DNER: variants seen among roughly 807,000 people sequenced by gnomAD.
DNER encodes delta/notch like EGF repeat containing.
A neutral mutation model predicts 78.2 loss-of-function variants in DNER; 33 were observed. That is an observed-to-expected ratio of 0.42 (90% CI 0.32 to 0.56). The LOEUF is 0.56. Among genes scored for constraint, DNER ranks in the 20% least tolerant of loss-of-function variants. DNER has a pLI of 0.11. For synonymous variants in DNER, 417 were observed against 384.8 expected, an observed-to-expected ratio of 1.08 and a Z score of -0.98; for missense variants, 918 against 975.3, an observed-to-expected ratio of 0.94 and a Z score of 0.78.
rs200458484 is a variant in DNER, at chr2:229,512,747, T to C, written c.1147+36A>G. On this transcript the variant is annotated intron_variant, in intron 6 of 12. Coordinates refer to ENST00000341772, the MANE Select transcript of DNER (RefSeq NM_139072.4). Reference sequence around the variant, plus strand: ...ACAAGAGGTGCATGCTGTACAGACATACACCTAATAACTGAACCATGAGTA... The same window carrying C: ...ACAAGAGGTGCATGCTGTACAGACACACACCTAATAACTGAACCATGAGTA... The C allele has an allele frequency of 2.5e-6, 4 of 1,612,630 alleles. No homozygotes were observed. The South Asian group carries it at 3.3e-5, about 13-fold the overall frequency.
At chr2:229,392,844 T>TA (rs1693045960) in intron 10 of DNER, among the ~76,000 whole-genome samples, 1 of 152,072 alleles carries the variant, frequency 6.6e-6, no homozygotes, top group Non-Finnish European at 1.5e-5. Flanking sequence ...TTACTTTTTT[T>TA]AAAAAAGACA....
chr2:229,608,848 T>G (rs976737502), intron 1 of DNER, among the ~76,000 whole-genome samples: 5 of 152,248 alleles, frequency 3.3e-5, no homozygotes, highest in African/African-American at 4.8e-5. Flanking sequence ...GTTTGTTGAA[T>G]CTCAGTGGCA....
intron 5 of DNER, among the ~76,000 whole-genome samples, chr2:229,533,078 T>G (rs1696336407): frequency 6.6e-6 from 1 of 152,172 alleles, no homozygotes; most frequent in African/African-American, 2.4e-5. Context: ...GATGAGAGAC[T>G]ACAATGTGGG....
intron 1 of DNER, among the ~76,000 whole-genome samples, chr2:229,677,646 T>C (rs1699319020): frequency 6.6e-6 from 1 of 152,148 alleles, no homozygotes; most frequent in Non-Finnish European, 1.5e-5. Context: ...TTAATCTACA[T>C]TGGTTGTAAT....
chr2:229,429,497 G>A (rs891321193), intron 8 of DNER, among the ~76,000 whole-genome samples: 5 of 152,180 alleles, frequency 3.3e-5, no homozygotes, highest in African/African-American at 9.7e-5. Context: ...ACAATGCCTG[G>A]CGTAAGCACA....
rs75417896 is a variant in DNER, at chr2:229,497,216, T to C, written c.1147+15567A>G. ...CTTGCACAACCAATAAGTCAAAGAA[T>C]AAATCAAAAGAAAAATGTAAAAATA... On this transcript the variant is annotated intron_variant, in intron 6 of 12. Transcript: ENST00000341772. Among the ~76,000 whole-genome samples the C allele has an allele frequency of 7.2e-3, 1,089 of 151,974 alleles. 6 individuals carry two copies. The highest frequency in any genetic ancestry group is 0.011 in the Admixed American group (161 of 15,256).
At chr2:229,637,499 G>A (rs1698548792) in intron 1 of DNER, among the ~76,000 whole-genome samples, 2 of 152,284 alleles carry the variant, frequency 1.3e-5, no homozygotes, top group South Asian at 2.1e-4. Context: ...CAAAGGTAAT[G>A]CATACTCAAA....
rs114351560 is a variant in DNER, at chr2:229,482,563, C to T, written c.1148-5310G>A. 8.4e-3 allele frequency among the ~76,000 whole-genome samples: 1,278 copies of T among 152,302 alleles called. 21 individuals are homozygous for T. Among genetic ancestry groups the T allele is most frequent in the African/African-American group, 0.029 (1,190 of 41,554 alleles). ...TCACTCTATTCCGAATCTCGCCAAG[C>T]TTCTGCTCATAGGCATCAGTATTGT... On this transcript the variant is annotated intron_variant, in intron 6 of 12. Transcript: ENST00000341772.
chr2:229,587,744 G>A (rs1220071510), intron 3 of DNER, among the ~76,000 whole-genome samples: 2 of 152,168 alleles, frequency 1.3e-5, no homozygotes, highest in South Asian at 2.1e-4. Context: ...CCTAATACTG[G>A]CCCATACCCC....
chr2:229,681,068 TTA>T (rs1256386864), intron 1 of DNER, among the ~76,000 whole-genome samples: 1 of 152,180 alleles, frequency 6.6e-6, no homozygotes, highest in Non-Finnish European at 1.5e-5. Flanking sequence ...TGATAAAAGT[TTA>T]ACAACCAGCT....
chr2:229,667,797 A>G (rs1366668704), intron 1 of DNER, among the ~76,000 whole-genome samples: 4 of 152,224 alleles, frequency 2.6e-5, no homozygotes, highest in Non-Finnish European at 4.4e-5. Context: ...AATTTTAATA[A>G]GGAAGAAAAC....
intron 1 of DNER, among the ~76,000 whole-genome samples, chr2:229,627,290 A>G (rs1400089004): frequency 6.6e-6 from 1 of 152,152 alleles, no homozygotes; most frequent in Non-Finnish European, 1.5e-5. Context: ...AACACACATC[A>G]CCCTGTATTT....
intron 8 of DNER, among the ~76,000 whole-genome samples, chr2:229,420,181 A>G (rs1402582211): frequency 6.6e-6 from 1 of 152,084 alleles, no homozygotes; most frequent in Non-Finnish European, 1.5e-5. Context: ...ACACTACAAC[A>G]GAGGACTGAG....
At chr2:229,574,683 G>A (rs1424343043) in intron 4 of DNER, among the ~76,000 whole-genome samples, 2 of 152,142 alleles carry the variant, frequency 1.3e-5, no homozygotes, top group African/African-American at 4.8e-5. Context: ...AGACAATAGA[G>A]TCTTTTTCAT....
At chr2:229,464,846 G>C (rs1694769615) in intron 7 of DNER, among the ~76,000 whole-genome samples, 1 of 152,166 alleles carries the variant, frequency 6.6e-6, no homozygotes. Flanking sequence ...AGGGTACAGG[G>C]TCAGGTGCAA....
chr2:229,556,659 A>C (rs1007545884), intron 4 of DNER, among the ~76,000 whole-genome samples: 7 of 152,254 alleles, frequency 4.6e-5, no homozygotes, highest in African/African-American at 1.4e-4. Flanking sequence ...TCCCAAGTTC[A>C]TCATAAGTCT....
intron 1 of DNER, among the ~76,000 whole-genome samples, chr2:229,693,121 G>A (rs1442868899): frequency 6.6e-6 from 1 of 151,830 alleles, no homozygotes; most frequent in East Asian, 2.0e-4. Flanking sequence ...TGAATCATGG[G>A]GGCAGTTATC....
At position 229,393,008 on chromosome 2, in the gene DNER, C is replaced by CA. The variant is rs1460454576; in HGVS notation, c.1724-4613dup. On this transcript the variant is annotated intron_variant, in intron 10 of 12. Coordinates refer to ENST00000341772, the MANE Select transcript of DNER (RefSeq NM_139072.4). ...GAAACAATGGATGAGAGCTAGCAGA[C>CA]AAAAAATGTGTTCAAAATGTGAAAT... Among the ~76,000 whole-genome samples the CA allele has an allele frequency of 2.0e-5, 3 of 151,554 alleles. No individual in the cohort carries two copies. In the East Asian group the frequency reaches 5.8e-4, roughly 29 times the overall value.
At chr2:229,422,459 C>T (rs1055307820) in intron 8 of DNER, among the ~76,000 whole-genome samples, 27 of 152,082 alleles carry the variant, frequency 1.8e-4, no homozygotes, top group Admixed American at 1.2e-3. Context: ...TTATTTCTTT[C>T]GGATTGACGG....
Sources: gnomAD v4.1 joint callset for allele counts (sites outside exome capture counted in the v4.1 genomes callset) on GRCh38, gnomAD v4.1.1 for gene constraint, MANE v1.5 for transcripts, NCBI Gene and HGNC (gene_info 2026-07-23, HGNC 2026-07-21) for gene names.